KIRREL2: variants seen among roughly 807,000 people sequenced by gnomAD.
KIRREL2 encodes kin of IRRE-like protein 2.
Under a neutral mutation model 73.4 loss-of-function variants are expected in KIRREL2, and 56 were observed. That is an observed-to-expected ratio of 0.76 (90% CI 0.62 to 0.95). KIRREL2 has a LOEUF of 0.95. Among genes scored for constraint, KIRREL2 ranks in the 40% least tolerant of loss-of-function variants. KIRREL2 has a pLI of 0.00. For missense variants in KIRREL2, 896 were observed against 935.0 expected (o/e 0.96, Z 0.54); for synonymous variants, 407 against 404.0 (o/e 1.01, Z -0.09).
At chr19:35,853,005 C>T (rs113436268), upstream of KIRREL2, among the ~76,000 whole-genome samples, 2 of 151,952 alleles carry the variant, frequency 1.3e-5, no homozygotes, top group Non-Finnish European at 2.9e-5. Flanking sequence ...ATGTTGGCCA[C>T]GCTGGTCTCG....
intron 5 of KIRREL2, among the ~76,000 whole-genome samples, chr19:35,859,873 C>T (rs1043933161): frequency 2.0e-5 from 3 of 152,124 alleles, no homozygotes; most frequent in African/African-American, 4.8e-5. Context: ...GTCGAAACCC[C>T]GTCTCTACTA....
At chr19:35,851,460 T>C (rs774932492), upstream of KIRREL2, 1 of 1,613,422 alleles carries the variant, frequency 6.2e-7, no homozygotes, top group Non-Finnish European at 8.5e-7. Flanking sequence ...CCCTTACCTC[T>C]AGCAGGGTCC....
rs1327248126 is a variant in KIRREL2, at chr19:35,861,929, C to T, written c.1415C>T (p.Ser472Leu). 3 of 1,612,378 alleles carry T rather than the reference C, an allele frequency of 1.9e-6. No homozygotes were observed. The highest frequency in any genetic ancestry group is 1.1e-5 in the South Asian group (1 of 90,594). Residue 472 changes from serine (S) to leucine (L), a missense_variant, in exon 11 of 15, where the codon TCG becomes TTG. Physicochemically the swap from Ser to Leu is moderately radical, Grantham distance 145. Transcript: ENST00000360202. ...GPGLISVLHI[S>L]GTQESDFSRS... ...GGCCTGATCTCTGTGCTACACATTT[C>T]GGGGACCCAGGAGTCTGACTTTAGC... is the stretch of plus-strand genomic sequence containing the variant.
intron 1 of KIRREL2, 55 bp from the exon 2 acceptor site, chr19:35,857,290 A>G (rs1025021592): frequency 1.2e-6 from 2 of 1,610,004 alleles, no homozygotes; most frequent in Admixed American, 1.7e-5. Flanking sequence ...TGGGTCCTGA[A>G]TGAGGAGGCC....
At chr19:35,859,297 C>G (rs1247788956) in intron 4 of KIRREL2, among the ~76,000 whole-genome samples, 184 bp from the exon 5 acceptor site, 1 of 152,216 alleles carries the variant, frequency 6.6e-6, no homozygotes, top group Admixed American at 6.5e-5. Context: ...TGTGGCCCAC[C>G]ACAAATTCAT....
upstream of KIRREL2, among the ~76,000 whole-genome samples, chr19:35,855,255 C>T (rs1308197882): frequency 6.6e-6 from 1 of 152,032 alleles, no homozygotes; most frequent in Non-Finnish European, 1.5e-5. Context: ...GATGGTGTCC[C>T]TAGGTGCCAG....
At chr19:35,860,185 G>A in intron 5 of KIRREL2, 112 bp from the exon 6 acceptor site, 2 of 799,170 alleles carry the variant, frequency 2.5e-6, no homozygotes, top group South Asian at 3.5e-5. Flanking sequence ...AAAGGGAGAA[G>A]GGGATTAGGG....
At position 35,862,486 on chromosome 19, in the gene KIRREL2, C is replaced by T; in HGVS notation, c.1511-7C>T. The T allele has an allele frequency of 6.2e-7, 1 of 1,604,654 alleles. No individual in the cohort carries two copies. The highest frequency in any genetic ancestry group is 1.1e-5 in the South Asian group (1 of 91,018). ...CCTTCTCAGGATGTCCCCTCTGCTC[C>T]CTGCAGACTTGCTGCCCACTGTGCG... On this transcript the variant is annotated splice_region_variant and splice_polypyrimidine_tract_variant and intron_variant, in intron 11 of 14. Coordinates refer to ENST00000360202, the MANE Select transcript of KIRREL2 (RefSeq NM_199180.4).
Position 35,860,945 on chromosome 19 carries a change from C to G in KIRREL2, c.965C>G (p.Ser322Cys), listed in dbSNP as rs767077893. The G allele has an allele frequency of 1.4e-5, 23 of 1,614,064 alleles. No individual in the cohort carries two copies. The South Asian group carries it at 2.1e-4, about 15-fold the overall frequency. ...CTGCAGGCAAAGCCGGAGCCCGTGT[C>G]CGTGGACGTGGGGGAAGACGCTTCC... ...PILQAKPEPV[S>C]VDVGEDASFS... The change falls in exon 8 of 15, where the codon TCC (serine) becomes TGC (cysteine). Residue 322 changes from serine to cysteine, a missense_variant. Transcript: ENST00000360202.
At chr19:35,861,305 C>T (rs746826630) in intron 9 of KIRREL2, 51 bp downstream of exon 9, 3 of 1,507,258 alleles carry the variant, frequency 2.0e-6, no homozygotes, top group South Asian at 2.7e-5. Context: ...GGATAGGGAG[C>T]GGACAGAGGG....
At chr19:35,862,068 C>A (rs1348119458) in intron 11 of KIRREL2, 44 bp downstream of exon 11, 1 of 1,514,578 alleles carries the variant, frequency 6.6e-7, no homozygotes, top group Non-Finnish European at 9.0e-7. Context: ...GAGTCTAAAC[C>A]CCACAAACGC....
Position 35,860,380 on chromosome 19 carries a change from C to G in KIRREL2, c.757C>G (p.Gln253Glu). ...CATTTTCCTGTGCCAGGCCACAGCC[C>G]AGCCTCCTGTCACAGGCTACAGGTG... ...KVIFLCQATA[Q>E]PPVTGYRWAK... The change falls in exon 6 of 15, where the codon CAG becomes GAG. Residue 253 changes from glutamine (Q) to glutamate (E), a missense_variant. Physicochemically the swap from Gln to Glu is conservative, Grantham distance 29. Coordinates refer to ENST00000360202, the MANE Select transcript of KIRREL2 (RefSeq NM_199180.4). The G allele has an allele frequency of 6.2e-7, 1 of 1,613,586 alleles. No individual in the cohort carries two copies. The highest frequency in any genetic ancestry group is 8.5e-7 in the Non-Finnish European group (1 of 1,180,008).
chr19:35,861,452 C>T lies in KIRREL2; in HGVS notation c.1190-89C>T, dbSNP rs1973679846. 6.8e-6 allele frequency: 10 copies of T among 1,470,828 alleles called. No homozygotes were observed. The South Asian group carries it at 9.5e-5, about 14-fold the overall frequency. The allele number at this position is 1,470,828 out of a possible 1,614,324, so 91.1% of individuals were successfully genotyped here. ...GCGTGGCCTGATTGATTGAGGTTAG[C>T]GGAGAGTGCGCTGGACAGACCCGGC... On this transcript the variant is annotated intron_variant, in intron 9 of 14. Coordinates refer to ENST00000360202, the MANE Select transcript of KIRREL2 (RefSeq NM_199180.4).
chr19:35,861,741 A>G (rs1192620589), intron 10 of KIRREL2, 64 bp from the exon 11 acceptor site: 3 of 1,586,702 alleles, frequency 1.9e-6, no homozygotes, highest in Non-Finnish European at 2.6e-6. Flanking sequence ...CTTCCCAGAC[A>G]TCCCTCCTGC....
chr19:35,859,468 TCC>T lies in KIRREL2; in HGVS notation c.523-12_523-11del, dbSNP rs1973569049. The T allele has an allele frequency of 6.2e-7, 1 of 1,611,224 alleles. No individual in the cohort carries two copies. The highest frequency in any genetic ancestry group is 8.5e-7 in the Non-Finnish European group (1 of 1,177,896). On this transcript the variant is annotated splice_polypyrimidine_tract_variant and intron_variant, in intron 4 of 14. Coordinates refer to ENST00000360202, the MANE Select transcript of KIRREL2 (RefSeq NM_199180.4). ...TGGGTAGATGGCATTATTATTCTTA[TCC>T]TTCCCTCCAGACCCTGCTGAAGGAA...
At chr19:35,856,877 G>A (rs112703866), upstream of KIRREL2, 1,373 of 577,568 alleles carry the variant, frequency 2.4e-3, 18 homozygotes, top group African/African-American at 0.023. This position sits in a 1 kb window ranked among gnomAD's most constrained non-coding sequence, Gnocchi z 5.9. Flanking sequence ...GACCCGGGCG[G>A]GGCGAGCGGG....
Position 35,861,000 on chromosome 19 carries a change from T to G in KIRREL2, c.1020T>G (p.Leu340=). 8 of 1,612,866 alleles carry G rather than the reference T, an allele frequency of 5.0e-6. No individual in the cohort carries two copies. Among genetic ancestry groups the G allele is most frequent in the Non-Finnish European group, 6.8e-6 (8 of 1,179,628 alleles). The change falls in exon 8 of 15, where the codon CTT becomes CTG. Residue 340 remains leucine (L), a synonymous_variant. Transcript: ENST00000360202. ...GCTGCGCCTGGCGCGGGAACCCGCT[T>G]CCACGGGTAACCTGGACCCGCCGCG... ...SFSCAWRGNP[L]PRVTWTRRGG... is the part of the protein sequence containing the mutation.
Position 35,866,443 on chromosome 19 carries a change from A to ATGC in KIRREL2, c.2082_2084dup (p.Ala695dup). On this transcript the variant is annotated inframe_insertion, in exon 15 of 15. Coordinates refer to ENST00000360202, the MANE Select transcript of KIRREL2 (RefSeq NM_199180.4). ...GCCCCCGGGACTCCCCCCTTCCCAT[A>ATGC]TGCTGCCTTCCCCACACCTAGCCAC... is the stretch of plus-strand genomic sequence containing the variant. The ATGC allele has an allele frequency of 6.3e-7, 1 of 1,592,704 alleles. No individual in the cohort carries two copies. The highest frequency in any genetic ancestry group is 8.6e-7 in the Non-Finnish European group (1 of 1,162,622).
At chr19:35,860,240 C>A in intron 5 of KIRREL2, 57 bp from the exon 6 acceptor site, 1 of 1,418,744 alleles carries the variant, frequency 7.0e-7, no homozygotes, top group Non-Finnish European at 9.9e-7. Flanking sequence ...GACACCTAGG[C>A]CAGTGACGGA....
Sources: gnomAD v4.1 joint callset for allele counts (sites outside exome capture counted in the v4.1 genomes callset) on GRCh38, gnomAD v4.1.1 for gene constraint, Gnocchi (gnomAD v3.1) non-coding constraint, MANE v1.5 for transcripts, NCBI Gene and HGNC (gene_info 2026-07-23, HGNC 2026-07-21) for gene names.